PHF11: variants seen among roughly 807,000 people sequenced by gnomAD.
The protein encoded by PHF11 is PHD finger protein 11, also known as BRCA1 C-terminus-associated protein.
PHF11 carries 38 observed loss-of-function variants against 40.5 expected under a neutral mutation model. The observed-to-expected ratio is 0.94, with a 90% CI of 0.72 to 1.23. PHF11 has a LOEUF of 1.23. Ranked by LOEUF, PHF11 falls within the 50% of genes most tolerant of loss-of-function variation. The pLI is 0.00. For missense variants in PHF11, 369 were observed against 392.4 expected, an observed-to-expected ratio of 0.94 and a Z score of 0.50; for synonymous variants, 127 against 138.2, an observed-to-expected ratio of 0.92 and a Z score of 0.57.
intron 4 of PHF11, 113 bp from the exon 5 acceptor site, chr13:49,520,781 T>C: frequency 1.5e-6 from 1 of 683,038 alleles, no homozygotes; most frequent in Non-Finnish European, 2.3e-6. Context: ...AAAACTTTAG[T>C]GTGACGCCGT....
chr13:49,520,474 T>G (rs61960010), intron 4 of PHF11, among the ~76,000 whole-genome samples: 28,192 of 152,126 alleles, frequency 0.19, 2,976 homozygotes, highest in Non-Finnish European at 0.24. Flanking sequence ...GAAAATGACT[T>G]TTTCCTTAAA....
intron 5 of PHF11, chr13:49,521,817 C>G (rs2274276): frequency 0.54 from 163,756 of 301,792 alleles, 46,194 homozygotes; most frequent in East Asian, 0.7. Context: ...AGAGAGTTCC[C>G]CATGTGCCAA....
At chr13:49,511,878 A>G (rs1426963404) in intron 2 of PHF11, among the ~76,000 whole-genome samples, 8 of 152,282 alleles carry the variant, frequency 5.3e-5, no homozygotes, top group African/African-American at 1.7e-4. Flanking sequence ...AATAAGGACA[A>G]TTTTAATTTG....
At chr13:49,501,010 T>TTG (rs1566185352) in intron 1 of PHF11, among the ~76,000 whole-genome samples, 14 of 121,130 alleles carry the variant, frequency 1.2e-4, no homozygotes, top group South Asian at 2.8e-4. Context: ...GTTTTTTTTT[T>TTG]TTTTTGGTTT....
chr13:49,500,637 T>C (rs1387699702), intron 1 of PHF11, among the ~76,000 whole-genome samples: 5 of 152,166 alleles, frequency 3.3e-5, no homozygotes, highest in Non-Finnish European at 5.9e-5. Context: ...TATGGGGGGA[T>C]TTAGCAGGAA....
chr13:49,512,980 C>CACTTTTGGTATGATTTTCT, intron 2 of PHF11, 79 bp from the exon 3 acceptor site: 1 of 733,942 alleles, frequency 1.4e-6, no homozygotes, highest in South Asian at 1.8e-5. Flanking sequence ...TTTGATTTTC[C>CACTTTTGGTATGATTTTCT]ACTTTTGGTA....
chr13:49,521,967 A>G (rs1594219774), intron 5 of PHF11, 76 bp from the exon 6 acceptor site: 3 of 716,336 alleles, frequency 4.2e-6, no homozygotes, highest in East Asian at 5.2e-5. Flanking sequence ...TTGGCATATG[A>G]GTTGTATATT....
intron 2 of PHF11, 142 bp downstream of exon 2, chr13:49,506,898 C>T (rs373909233): frequency 0.017 from 2,436 of 143,496 alleles, 1 homozygote; most frequent in South Asian, 0.041. Context: ...GGGAGCATTT[C>T]TTTTTTTTTT....
rs918872463 is a variant in PHF11 at position 49,523,325 on chromosome 13, C to T, written c.637+84C>T. 36 of 850,974 alleles carry T rather than the reference C, an allele frequency of 4.2e-5. No individual in the cohort carries two copies. The African/African-American group carries it at 4.6e-4, about 11-fold the overall frequency. 52.7% of individuals were successfully genotyped at this position (850,974 alleles called of 1,614,324 possible). On this transcript the variant is annotated intron_variant, in intron 7 of 9. Transcript: ENST00000378319. The stretch of plus-strand genomic sequence containing the variant: ...CCCACCTGTTTCAAACTTGGTATCC[C>T]GCCTAAATCTTTATTCTTCTAGGCT...
chr13:49,506,758 T>A lies in PHF11; in HGVS notation c.216+2T>A. On this transcript the variant is annotated splice_donor_variant, in intron 2 of 9. Coordinates refer to ENST00000378319, the MANE Select transcript of PHF11 (RefSeq NM_001040443.3). LOFTEE classifies it high-confidence loss of function. Reference sequence around the variant, plus strand: ...ATAGCTGCTCATGAGAATTGTTTGGTAAGTTACTTGAAAACATACTTCAAA... The same window carrying A: ...ATAGCTGCTCATGAGAATTGTTTGGAAAGTTACTTGAAAACATACTTCAAA... 1.2e-6 allele frequency: 2 copies of A among 1,605,124 alleles called. No homozygotes were observed. The highest frequency in any genetic ancestry group is 1.7e-6 in the Non-Finnish European group (2 of 1,173,542).
At position 49,506,861 on chromosome 13, in the gene PHF11, A is replaced by G. The variant is rs549050252; in HGVS notation, c.216+105A>G. 4.6e-4 allele frequency: 250 copies of G among 547,994 alleles called. 5 individuals are homozygous for G. In the South Asian group the frequency reaches 7.0e-3, roughly 15 times the overall value. 33.9% of individuals were successfully genotyped at this position (547,994 alleles called of 1,614,324 possible). A position where few individuals can be genotyped will look rare whatever the true frequency, so the allele number is the denominator to read the frequency against. Reference sequence around the variant, plus strand: ...GGACACAAAGAATAACAAGTTGGCCATGGTTTGAGCTTTTAGGTGAAGATT... The same window carrying G: ...GGACACAAAGAATAACAAGTTGGCCGTGGTTTGAGCTTTTAGGTGAAGATT... On this transcript the variant is annotated intron_variant, in intron 2 of 9. Transcript: ENST00000378319.
At chr13:49,512,934 C>T (rs1959097744) in intron 2 of PHF11, 125 bp from the exon 3 acceptor site, 3 of 594,856 alleles carry the variant, frequency 5.0e-6, no homozygotes, top group Admixed American at 6.2e-5. Flanking sequence ...CCCAAAGTTG[C>T]CACTGTTTTA....
intron 1 of PHF11, among the ~76,000 whole-genome samples, chr13:49,504,976 C>T (rs371203250): frequency 7.3e-5 from 11 of 150,118 alleles, no homozygotes; most frequent in African/African-American, 2.0e-4. Flanking sequence ...GGATTAAGGG[C>T]GGTGCAAGAT....
At chr13:49,496,283 G>A in intron 1 of PHF11, 188 bp downstream of exon 1, 1 of 693,792 alleles carries the variant, frequency 1.4e-6, no homozygotes, top group Non-Finnish European at 2.0e-6. Context: ...GGTGGGGGAG[G>A]GGGCCAGAGG....
intron 1 of PHF11, chr13:49,497,137 G>C: frequency 1.6e-6 from 2 of 1,289,396 alleles, no homozygotes; most frequent in East Asian, 1.1e-4. Context: ...ACCACAAAAC[G>C]TCACACGTAA....
intron 5 of PHF11, chr13:49,521,303 C>A (rs1395131490): frequency 6.0e-6 from 6 of 999,590 alleles, no homozygotes; most frequent in Non-Finnish European, 7.1e-6. Flanking sequence ...AGTGAAAATT[C>A]CCTAAGGATG....
At chr13:49,502,049 C>G (rs563529194) in intron 1 of PHF11, among the ~76,000 whole-genome samples, 2 of 152,152 alleles carry the variant, frequency 1.3e-5, no homozygotes, top group South Asian at 4.2e-4. Context: ...CCTGTAATCC[C>G]AGCACTTTGG....
At chr13:49,506,549 C>T in intron 1 of PHF11, 86 bp from the exon 2 acceptor site, 7 of 1,199,968 alleles carry the variant, frequency 5.8e-6, no homozygotes, top group Non-Finnish European at 8.5e-6. Flanking sequence ...AACAAGTGCC[C>T]TGCCTTCCAC....
Position 49,523,034 on chromosome 13 carries a change from A to AT in PHF11, c.571-139dup, listed in dbSNP as rs750250428. On this transcript the variant is annotated intron_variant, in intron 6 of 9. Transcript: ENST00000378319. ...CATCTTGCCCTCCCAAAGTGCTGAG[A>AT]TTACAGGCGTGAGACACCGCGCCCA... 2.8e-4 allele frequency: 190 copies of AT among 688,916 alleles called. 2 individuals carry two copies. The highest frequency in any genetic ancestry group is 1.6e-3 in the Admixed American group (69 of 43,192). 42.7% of individuals were successfully genotyped at this position (688,916 alleles called of 1,614,324 possible).
Sources: gnomAD v4.1 joint callset for allele counts (sites outside exome capture counted in the v4.1 genomes callset) on GRCh38, gnomAD v4.1.1 for gene constraint, MANE v1.5 for transcripts, NCBI Gene and HGNC (gene_info 2026-07-23, HGNC 2026-07-21) for gene names.